The following SOX5 variants were observed in gnomAD, a reference collection of about 807,000 sequenced individuals.
SOX5 encodes the protein transcription factor SOX-5.
SOX5 carries 9 observed loss-of-function variants against 92.0 expected under a neutral mutation model. That is an observed-to-expected ratio of 0.10 (90% CI 0.06 to 0.17). The LOEUF (loss-of-function observed/expected upper bound fraction) is 0.17, where lower values mean the gene tolerates loss of function less well. SOX5 is among the 10% of genes least tolerant of loss of function. The pLI, the probability that SOX5 is intolerant of heterozygous loss-of-function variation, is 1.00. For missense variants in SOX5, 642 were observed against 944.5 expected (o/e 0.68, Z 4.20); for synonymous variants, 344 against 336.3 (o/e 1.02, Z -0.25).
intron 6 of SOX5, among the ~76,000 whole-genome samples, chr12:23,685,978 T>TA (rs1390975983): frequency 6.6e-6 from 1 of 152,126 alleles, no homozygotes; most frequent in Admixed American, 6.6e-5. Context: ...AAAAATTCAA[T>TA]AAAACACAAC....
intron 4 of SOX5, among the ~76,000 whole-genome samples, chr12:24,144,536 C>T (rs1393471055): frequency 6.6e-6 from 1 of 152,142 alleles, no homozygotes; most frequent in African/African-American, 2.4e-5. Flanking sequence ...CCAAGTACAG[C>T]AGCTCACATC....
chr12:23,932,950 G>C (rs1264793187), intron 1 of SOX5, among the ~76,000 whole-genome samples: 3 of 151,534 alleles, frequency 2.0e-5, no homozygotes, highest in African/African-American at 7.3e-5. Context: ...TTCTCATATT[G>C]ATAAAATGAT....
chr12:24,239,438 T>A lies in SOX5; in HGVS notation c.-76-26021A>T, dbSNP rs557669325. On this transcript the variant is annotated intron_variant, in intron 3 of 4. Coordinates refer to the SOX5 transcript ENST00000446891. The stretch of plus-strand genomic sequence containing the variant: ...TGTCTGAAACTGCATATTCCGATAT[T>A]TTTTTCCCCCAGACTTAATCTTGGC... Among the ~76,000 whole-genome samples, 6 of 152,228 alleles carry A rather than the reference T, an allele frequency of 3.9e-5. No homozygotes were observed. The East Asian group carries it at 9.6e-4, about 24-fold the overall frequency.
rs970200646 is a variant in SOX5, at chr12:23,908,764, G to A, written c.39-12740C>T. On this transcript the variant is annotated intron_variant, in intron 1 of 14. Coordinates refer to ENST00000451604, the MANE Select transcript of SOX5 (RefSeq NM_006940.6). ...CTATCAACCCAAACTCCAAAACAGC[G>A]GGATGCAGCTATGGTTGATGTTACA... 3.3e-5 allele frequency among the ~76,000 whole-genome samples: 5 copies of A among 151,986 alleles called. No individual in the cohort carries two copies. The East Asian group carries it at 7.7e-4, about 23-fold the overall frequency.
At position 24,462,950 on chromosome 12, in the gene SOX5, G is replaced by A. The variant is rs534009424; in HGVS notation, c.-250-94311C>T. Among the ~76,000 whole-genome samples, 417 of 152,292 alleles carry A rather than the reference G, an allele frequency of 2.7e-3. 2 individuals are homozygous for A. The highest frequency in any genetic ancestry group is 9.4e-3 in the African/African-American group (392 of 41,554). On this transcript the variant is annotated intron_variant, in intron 1 of 4. Coordinates refer to the SOX5 transcript ENST00000446891. ...CCTCATTTGTTGGTGGGGTGCAGTG[G>A]CTCCTGCCGGTAATCCTAGCACTTT...
chr12:24,514,499 T>C (rs992270637), intron 1 of SOX5, among the ~76,000 whole-genome samples: 3 of 152,192 alleles, frequency 2.0e-5, no homozygotes, highest in African/African-American at 7.2e-5. Context: ...TTTTTCTCAT[T>C]GATGGCATAA....
At chr12:24,017,824 C>G (rs750568478) in intron 4 of SOX5, among the ~76,000 whole-genome samples, 4 of 152,012 alleles carry the variant, frequency 2.6e-5, no homozygotes, top group Non-Finnish European at 5.9e-5. Flanking sequence ...CCTCACTTCC[C>G]ACAGAGATGT....
intron 1 of SOX5, among the ~76,000 whole-genome samples, chr12:24,501,444 T>C (rs1278541986): frequency 6.6e-6 from 1 of 152,172 alleles, no homozygotes; most frequent in African/African-American, 2.4e-5. Context: ...ATAAGACTTT[T>C]AACATAAGTC....
At chr12:24,424,597 T>TCA (rs892902189) in intron 1 of SOX5, among the ~76,000 whole-genome samples, 5 of 151,970 alleles carry the variant, frequency 3.3e-5, no homozygotes, top group African/African-American at 1.2e-4. Flanking sequence ...AAGATTAAAC[T>TCA]CACACACAGG....
At chr12:24,386,160 A>G (rs1043067965) in intron 1 of SOX5, among the ~76,000 whole-genome samples, 5 of 152,102 alleles carry the variant, frequency 3.3e-5, no homozygotes, top group African/African-American at 1.2e-4. Context: ...TGGTTCCATT[A>G]TATGCTGTTT....
At chr12:24,490,642 T>C (rs995926841) in intron 1 of SOX5, among the ~76,000 whole-genome samples, 4 of 152,116 alleles carry the variant, frequency 2.6e-5, no homozygotes, top group East Asian at 1.9e-4. Flanking sequence ...AATGCTTTCA[T>C]GGAAATTCAG....
chr12:23,979,913 C>CTGGCCAGACAGA (rs1555459467), intron 4 of SOX5, among the ~76,000 whole-genome samples: 1 of 124,182 alleles, frequency 8.1e-6, no homozygotes. Context: ...GGCTGGCTGG[C>CTGGCCAGACAGA]CAGACAGACA....
At chr12:24,053,279 C>A (rs770380668) in intron 4 of SOX5, among the ~76,000 whole-genome samples, 13 of 151,658 alleles carry the variant, frequency 8.6e-5, no homozygotes, top group Non-Finnish European at 1.3e-4. Context: ...AGGGGCCCAC[C>A]ACCACACTTG....
intron 4 of SOX5, among the ~76,000 whole-genome samples, chr12:24,060,764 C>G (rs1244270014): frequency 6.6e-6 from 1 of 152,152 alleles, no homozygotes; most frequent in Admixed American, 6.5e-5. Context: ...GAAAGAAACT[C>G]TAGCTTTTTA....
chr12:23,595,562 T>C (rs1354868137), intron 9 of SOX5, among the ~76,000 whole-genome samples: 2 of 132,614 alleles, frequency 1.5e-5, no homozygotes, highest in African/African-American at 5.9e-5. Context: ...GAGCTTGCAG[T>C]GAGCCCAGAT....
chr12:24,042,375 G>A (rs1186391705), intron 4 of SOX5, among the ~76,000 whole-genome samples: 1 of 152,050 alleles, frequency 6.6e-6, no homozygotes, highest in Non-Finnish European at 1.5e-5. Context: ...ATCCTGGCCT[G>A]GAATCCCTCT....
chr12:24,167,622 T>C (rs1953570723), intron 4 of SOX5, among the ~76,000 whole-genome samples: 1 of 152,240 alleles, frequency 6.6e-6, no homozygotes, highest in African/African-American at 2.4e-5. Context: ...ATGATTTCTG[T>C]CTCTCAATGC....
intron 1 of SOX5, among the ~76,000 whole-genome samples, chr12:24,527,636 G>A (rs139799742): frequency 3.3e-5 from 5 of 152,226 alleles, no homozygotes; most frequent in African/African-American, 1.2e-4. Flanking sequence ...GTCTCCTAAA[G>A]TATTGCTTCA....
At chr12:23,588,541 T>C (rs1253869171) in intron 9 of SOX5, among the ~76,000 whole-genome samples, 5 of 152,048 alleles carry the variant, frequency 3.3e-5, no homozygotes, top group African/African-American at 1.2e-4. Context: ...TAAAAGACTT[T>C]ATATAGCAAC....
Sources: gnomAD v4.1 joint callset for allele counts (sites outside exome capture counted in the v4.1 genomes callset) on GRCh38, gnomAD v4.1.1 for gene constraint, MANE v1.5 for transcripts, NCBI Gene and HGNC (gene_info 2026-07-23, HGNC 2026-07-21) for gene names.